Variants in CCDC18 observed in about 807,000 individuals in gnomAD.
The protein encoded by CCDC18 is coiled-coil domain containing 18, also known as coiled-coil domain-containing protein 18.
Under a neutral mutation model 196.0 loss-of-function variants are expected in CCDC18, and 157 were observed. That is an observed-to-expected ratio of 0.80 (90% CI 0.70 to 0.91). The LOEUF is 0.91. Ranked by LOEUF, CCDC18 falls within the 40% of genes least tolerant of loss-of-function variation. CCDC18 has a pLI of 0.00. For synonymous variants in CCDC18, 482 were observed against 529.2 expected (o/e 0.91, Z 1.22); for missense variants, 1,465 against 1,611.6 (o/e 0.91, Z 1.56).
chr1:93,256,647 G>GTTCAT, intron 25 of CCDC18, 109 bp downstream of exon 25: 1 of 861,018 alleles, frequency 1.2e-6, no homozygotes, highest in Non-Finnish European at 1.8e-6. Flanking sequence ...TTGCACAACA[G>GTTCAT]TGTGAATGTA....
intron 25 of CCDC18, among the ~76,000 whole-genome samples, chr1:93,257,864 A>C (rs1053635614): frequency 1.6e-4 from 24 of 152,000 alleles, no homozygotes; most frequent in Non-Finnish European, 3.5e-4. Context: ...AAAACTAAAT[A>C]TATATTGATA....
At chr1:93,278,369 T>C (rs1306935319) in intron 28 of CCDC18, 94 bp from the exon 29 acceptor site, 3 of 474,690 alleles carry the variant, frequency 6.3e-6, no homozygotes, top group Non-Finnish European at 1.1e-5. Context: ...TCACTCTCGC[T>C]TTAAATTATA....
chr1:93,186,321 ATTTG>A lies in CCDC18; in HGVS notation c.304-21_304-18del. ...CCTTAATTGAAATAATTGAAAATAT[ATTTG>A]TTCTTTTTCATTCTTTCAGATGTTT... On this transcript the variant is annotated intron_variant, in intron 3 of 28. Transcript: ENST00000690025. 6.3e-7 allele frequency: 1 copy of A among 1,595,552 alleles called. No individual in the cohort carries two copies. Among genetic ancestry groups the A allele is most frequent in the Non-Finnish European group, 8.6e-7 (1 of 1,168,918 alleles).
chr1:93,193,501 A>T, intron 5 of CCDC18, 115 bp from the exon 6 acceptor site: 1 of 609,072 alleles, frequency 1.6e-6, no homozygotes, highest in Non-Finnish European at 2.6e-6. Context: ...CTTTTTGTAT[A>T]TTGTTTCTCT....
At chr1:93,268,840 A>G (rs576147330) in intron 27 of CCDC18, among the ~76,000 whole-genome samples, 1 of 152,156 alleles carries the variant, frequency 6.6e-6, no homozygotes, top group South Asian at 2.1e-4. Context: ...ACTGTAAACT[A>G]GTTCAACCAT....
At chr1:93,197,531 T>C (rs1652936740) in intron 6 of CCDC18, among the ~76,000 whole-genome samples, 1 of 152,002 alleles carries the variant, frequency 6.6e-6, no homozygotes, top group African/African-American at 2.4e-5. Flanking sequence ...TGTGTACATA[T>C]ATATGTGTGT....
chr1:93,180,139 T>G, upstream of CCDC18: 1 of 1,613,520 alleles, frequency 6.2e-7, no homozygotes. Flanking sequence ...AAAGGTGAAG[T>G]CGCTATCGAG....
chr1:93,264,899 A>G lies in CCDC18; in HGVS notation c.3883A>G (p.Lys1295Glu). The change falls in exon 27 of 29, where the codon AAA (lysine) becomes GAA (glutamate). Residue 1295 changes from lysine to glutamate, a missense_variant and splice_region_variant. By Grantham distance (56) the Lys-to-Glu change is moderately conservative. Coordinates refer to ENST00000690025, the MANE Select transcript of CCDC18 (RefSeq NM_001378204.1). ...IEAANEALLT[K>E]ESELTRLQAK... ...AGCTGCAAATGAAGCATTACTTACT[A>G]AAGTAAGTAAACATATAAAAGTAAT... 1 of 1,557,072 alleles carries G rather than the reference A, an allele frequency of 6.4e-7. No homozygotes were observed. The highest frequency in any genetic ancestry group is 1.1e-5 in the South Asian group (1 of 89,840).
Position 93,246,202 on chromosome 1 carries a change from C to T in CCDC18, c.3079C>T (p.Gln1027Ter), listed in dbSNP as rs1452267943. The T allele has an allele frequency of 1.9e-6, 3 of 1,591,480 alleles. No individual in the cohort carries two copies. The highest frequency in any genetic ancestry group is 1.8e-5 in the Admixed American group (1 of 56,648). Residue 1027 changes from glutamine to a stop codon, truncating the protein, a stop_gained and splice_region_variant, in exon 22 of 29, where the codon CAG becomes TAG. Coordinates refer to ENST00000690025, the MANE Select transcript of CCDC18 (RefSeq NM_001378204.1). LOFTEE classifies it high-confidence loss of function. ...RNWELKQRAA[Q>*]VTHLDMTIRE... ...TTGGGAACTAAAGCAAAGAGCAGCTCAGGTTGATTTTTCTTGATTATATTT... is the reference window on the plus strand; with the variant it reads ...TTGGGAACTAAAGCAAAGAGCAGCTTAGGTTGATTTTTCTTGATTATATTT...
intron 26 of CCDC18, among the ~76,000 whole-genome samples, chr1:93,264,334 G>T (rs910237955): frequency 4.6e-5 from 7 of 152,150 alleles, no homozygotes; most frequent in South Asian, 4.1e-4. Context: ...TTTTGGAACA[G>T]AACCACAATA....
chr1:93,252,815 C>T (rs1332460755), intron 23 of CCDC18, among the ~76,000 whole-genome samples: 1 of 152,224 alleles, frequency 6.6e-6, no homozygotes, highest in Non-Finnish European at 1.5e-5. Context: ...TTCCCTGAGG[C>T]TGTGATCACT....
At chr1:93,213,982 AT>A (rs1250415663) in intron 11 of CCDC18, among the ~76,000 whole-genome samples, 1 of 152,188 alleles carries the variant, frequency 6.6e-6, no homozygotes, top group Non-Finnish European at 1.5e-5. Context: ...TTCTCATGTA[AT>A]CATCTACATT....
At chr1:93,241,723 CAAAAAAAAA>C (rs35810581) in intron 21 of CCDC18, among the ~76,000 whole-genome samples, 1 of 59,958 alleles carries the variant, frequency 1.7e-5, no homozygotes, top group Non-Finnish European at 3.1e-5. Flanking sequence ...GACTCCATCT[CAAAAAAAAA>C]AAAAAAAAAA....
At chr1:93,235,963 G>C (rs1471140747) in intron 18 of CCDC18, among the ~76,000 whole-genome samples, 1 of 151,974 alleles carries the variant, frequency 6.6e-6, no homozygotes, top group African/African-American at 2.4e-5. Flanking sequence ...GAGAAGAAAG[G>C]GCATTTCAAA....
chr1:93,265,703 T>C (rs1664409859), intron 27 of CCDC18, among the ~76,000 whole-genome samples: 1 of 152,272 alleles, frequency 6.6e-6, no homozygotes, highest in East Asian at 1.9e-4. Flanking sequence ...AAGAAGGCCA[T>C]TACATAATGG....
intron 27 of CCDC18, among the ~76,000 whole-genome samples, chr1:93,267,974 A>T (rs1664739224): frequency 6.6e-6 from 1 of 152,202 alleles, no homozygotes. Context: ...GAGCCCACAC[A>T]GCCAAGACAA....
Position 93,239,100 on chromosome 1 carries a change from G to T in CCDC18, c.2604-210G>T, listed in dbSNP as rs541968545. Reference sequence around the variant, plus strand: ...TGCTAGGCTTGTTAAATATTACCAGGTAGTAGTAGTAAAGTTGTATTTAGT... The same window carrying T: ...TGCTAGGCTTGTTAAATATTACCAGTTAGTAGTAGTAAAGTTGTATTTAGT... On this transcript the variant is annotated intron_variant, in intron 19 of 28. Transcript: ENST00000690025. 1.6e-4 allele frequency among the ~76,000 whole-genome samples: 24 copies of T among 152,244 alleles called. No individual in the cohort carries two copies. In the South Asian group the frequency reaches 4.8e-3, roughly 30 times the overall value.
chr1:93,228,126 A>G (rs61335636), intron 17 of CCDC18, among the ~76,000 whole-genome samples: 13,513 of 151,990 alleles, frequency 0.089, 1,980 homozygotes, highest in African/African-American at 0.31. Context: ...GAAAGGGTAG[A>G]GAAGCCAAAC....
chr1:93,254,198 GT>G (rs909393074), intron 23 of CCDC18, among the ~76,000 whole-genome samples: 1 of 151,976 alleles, frequency 6.6e-6, no homozygotes. Flanking sequence ...AGTAGTTTTG[GT>G]TACATAGATA....
Sources: gnomAD v4.1 joint callset for allele counts (sites outside exome capture counted in the v4.1 genomes callset) on GRCh38, gnomAD v4.1.1 for gene constraint, MANE v1.5 for transcripts, NCBI Gene and HGNC (gene_info 2026-07-23, HGNC 2026-07-21) for gene names.